CLDN10: variants seen among roughly 807,000 people sequenced by gnomAD.
CLDN10 encodes the protein claudin 10, also known as claudin-10.
CLDN10 carries 15 observed loss-of-function variants against 22.9 expected under a neutral mutation model. The observed-to-expected ratio is 0.65, with a 90% confidence interval of 0.44 to 1.01. CLDN10 has a LOEUF of 1.01. CLDN10 is among the 50% of genes least tolerant of loss of function. The pLI is 0.00. For synonymous variants in CLDN10, 114 were observed against 111.4 expected (o/e 1.02, Z -0.15); for missense variants, 247 against 287.8 (o/e 0.86, Z 1.03).
chr13:95,547,616 G>C (rs2043523214), intron 1 of CLDN10, among the ~76,000 whole-genome samples: 1 of 152,124 alleles, frequency 6.6e-6, no homozygotes, highest in Non-Finnish European at 1.5e-5. Context: ...CGTTATACTT[G>C]AAGAAGTGAT....
At chr13:95,522,925 C>A (rs1403849317) in intron 1 of CLDN10, among the ~76,000 whole-genome samples, 1 of 151,670 alleles carries the variant, frequency 6.6e-6, no homozygotes, top group African/African-American at 2.4e-5. Flanking sequence ...TATCTATCAA[C>A]TTTTCTTTAT....
chr13:95,542,493 G>A (rs2043469229), intron 1 of CLDN10, among the ~76,000 whole-genome samples: 1 of 152,168 alleles, frequency 6.6e-6, no homozygotes, highest in East Asian at 1.9e-4. Context: ...ATACTGCACT[G>A]GAAATATGTA....
intron 1 of CLDN10, among the ~76,000 whole-genome samples, chr13:95,474,677 G>C (rs950218173): frequency 2.0e-5 from 3 of 152,254 alleles, no homozygotes; most frequent in African/African-American, 7.2e-5. Flanking sequence ...CAATGGCCCT[G>C]TCTCAGTGAA....
At chr13:95,471,584 C>G (rs537917648) in intron 1 of CLDN10, among the ~76,000 whole-genome samples, 1 of 151,356 alleles carries the variant, frequency 6.6e-6, no homozygotes, top group East Asian at 1.9e-4. Flanking sequence ...TCCTAAATAG[C>G]TGGGATTACA....
At chr13:95,453,319 T>C (rs2042450119) in intron 1 of CLDN10, among the ~76,000 whole-genome samples, 1 of 152,186 alleles carries the variant, frequency 6.6e-6, no homozygotes, top group African/African-American at 2.4e-5. Flanking sequence ...TCAGCAGGAC[T>C]GGGCTGGGCT....
At chr13:95,522,769 A>G (rs1362572120) in intron 1 of CLDN10, among the ~76,000 whole-genome samples, 1 of 152,056 alleles carries the variant, frequency 6.6e-6, no homozygotes, top group Non-Finnish European at 1.5e-5. Flanking sequence ...TTTATATATT[A>G]CTAATGAATT....
At chr13:95,478,266 C>A (rs181279819) in intron 1 of CLDN10, among the ~76,000 whole-genome samples, 1 of 152,284 alleles carries the variant, frequency 6.6e-6, no homozygotes, top group East Asian at 1.9e-4. Context: ...CAAGATCGCA[C>A]CACTGCACTC....
At chr13:95,543,480 A>T (rs1339641560) in intron 1 of CLDN10, among the ~76,000 whole-genome samples, 1 of 152,204 alleles carries the variant, frequency 6.6e-6, no homozygotes, top group East Asian at 1.9e-4. Flanking sequence ...CTAATCTGTG[A>T]GTGAAGTTAC....
At chr13:95,480,025 T>A (rs1167398961) in intron 1 of CLDN10, 2 of 151,642 alleles carry the variant, frequency 1.3e-5, no homozygotes, top group Non-Finnish European at 2.9e-5. Context: ...GGACTCACAG[T>A]TCCACATGGC....
chr13:95,520,660 A>G lies in CLDN10; in HGVS notation c.215-39472A>G, dbSNP rs541135719. Among the ~76,000 whole-genome samples the G allele has an allele frequency of 2.6e-5, 4 of 152,332 alleles. No individual in the cohort carries two copies. The East Asian group carries it at 7.7e-4, about 29-fold the overall frequency. Reference sequence around the variant, plus strand: ...AGTGCTGGAATTACAGGCATGAGTTACAGCGCCTGGACAAGTTCATGTTTT... The same window carrying G: ...AGTGCTGGAATTACAGGCATGAGTTGCAGCGCCTGGACAAGTTCATGTTTT... On this transcript the variant is annotated intron_variant, in intron 1 of 4. Coordinates refer to the CLDN10 transcript ENST00000376873.
chr13:95,460,564 AC>A (rs1374291155), intron 1 of CLDN10, among the ~76,000 whole-genome samples: 2 of 152,222 alleles, frequency 1.3e-5, no homozygotes, highest in Non-Finnish European at 2.9e-5. Context: ...ACTCAATGCC[AC>A]AAGAACAGCG....
chr13:95,559,268 G>A (rs930901474), intron 1 of CLDN10, among the ~76,000 whole-genome samples: 31 of 152,296 alleles, frequency 2.0e-4, no homozygotes, highest in Admixed American at 1.3e-4. Flanking sequence ...CCCTGTTAAT[G>A]TAAAAACCTG....
intron 1 of CLDN10, among the ~76,000 whole-genome samples, chr13:95,505,884 A>G (rs963559629): frequency 6.7e-6 from 1 of 149,870 alleles, no homozygotes; most frequent in Non-Finnish European, 1.5e-5. Context: ...CCTCCCAAGT[A>G]TCTGGGATTA....
At chr13:95,535,678 A>G (rs903041105) in intron 1 of CLDN10, among the ~76,000 whole-genome samples, 19 of 151,872 alleles carry the variant, frequency 1.3e-4, no homozygotes, top group Admixed American at 2.0e-4. Context: ...GGACATCAGA[A>G]GAACTGATTC....
chr13:95,455,036 G>C (rs894390068), intron 1 of CLDN10, among the ~76,000 whole-genome samples: 1 of 152,098 alleles, frequency 6.6e-6, no homozygotes, highest in South Asian at 2.1e-4. Context: ...AACTAGCTGG[G>C]TGTGGTGGAG....
At chr13:95,438,511 A>G (rs1271000176) in intron 1 of CLDN10, among the ~76,000 whole-genome samples, 1 of 152,250 alleles carries the variant, frequency 6.6e-6, no homozygotes. Flanking sequence ...ATGACCTTAA[A>G]TGACCACAAG....
rs375663820 is a variant in CLDN10 at position 95,560,182 on chromosome 13, T to C, written c.271T>C (p.Phe91Leu). ...GLMIAAVSLG[F>L]FGSIFALFGM... is the part of the protein sequence containing the mutation. The stretch of plus-strand genomic sequence containing the variant: ...TATGATCGCTGCTGTCAGCCTGGGC[T>C]TCTTTGGTTCCATATTTGCGCTCTT... Residue 91 changes from phenylalanine (F) to leucine (L), a missense_variant, in exon 2 of 5, where the codon TTC becomes CTC. Phe to Leu is a conservative substitution (Grantham distance 22). Coordinates refer to ENST00000299339, the MANE Select transcript of CLDN10 (RefSeq NM_006984.5). 3.1e-6 allele frequency: 5 copies of C among 1,614,096 alleles called. No homozygotes were observed. The highest frequency in any genetic ancestry group is 2.7e-5 in the African/African-American group (2 of 74,950).
intron 1 of CLDN10, among the ~76,000 whole-genome samples, chr13:95,456,731 T>G (rs1594531160): frequency 6.6e-6 from 1 of 152,190 alleles, no homozygotes. Context: ...CACTCCAGCT[T>G]GTGCTACAGA....
rs763946826 is a variant in CLDN10, at chr13:95,482,367, C to T, written c.214+48320C>T. Among the ~76,000 whole-genome samples, 82 of 152,170 alleles carry T rather than the reference C, an allele frequency of 5.4e-4. 1 individual carries two copies. Among genetic ancestry groups the T allele is most frequent in the Middle Eastern group, 6.8e-3 (2 of 294 alleles). On this transcript the variant is annotated intron_variant, in intron 1 of 4. Transcript: ENST00000376873. ...TGACCCCTTCTCTAATATATATGGC[C>T]CAAGTCAGGCGCCGTGCACAGCTGG... is the stretch of plus-strand genomic sequence containing the variant.
Sources: gnomAD v4.1 joint callset for allele counts (sites outside exome capture counted in the v4.1 genomes callset) on GRCh38, gnomAD v4.1.1 for gene constraint, MANE v1.5 for transcripts, NCBI Gene and HGNC (gene_info 2026-07-23, HGNC 2026-07-21) for gene names.